Variants in C3orf70 observed in about 807,000 individuals in gnomAD.
The protein encoded by C3orf70 is chromosome 3 open reading frame 70.
In C3orf70, 15 loss-of-function variants were observed where a neutral mutation model predicts 20.7. That is an observed-to-expected ratio of 0.72 (90% CI 0.48 to 1.11). The LOEUF (loss-of-function observed/expected upper bound fraction) is 1.11. Ranked by LOEUF, C3orf70 falls within the 50% of genes most tolerant of loss-of-function variation. C3orf70 has a pLI of 0.00. For synonymous variants in C3orf70, 161 were observed against 125.7 expected, an observed-to-expected ratio of 1.28 and a Z score of -1.88; for missense variants, 332 against 317.6, an observed-to-expected ratio of 1.05 and a Z score of -0.34.
At chr3:185,115,845 A>G (rs1219304248) in intron 1 of C3orf70, among the ~76,000 whole-genome samples, 1 of 152,220 alleles carries the variant, frequency 6.6e-6, no homozygotes, top group Non-Finnish European at 1.5e-5. Flanking sequence ...AAAGAGCGCT[A>G]AAGAGATCCC....
intron 1 of C3orf70, among the ~76,000 whole-genome samples, chr3:185,104,861 T>C (rs1036187910): frequency 6.6e-6 from 1 of 152,118 alleles, no homozygotes; most frequent in Non-Finnish European, 1.5e-5. Flanking sequence ...AAATAACTAA[T>C]AGGTACTAGG....
Position 185,083,175 on chromosome 3 carries a change from A to G in C3orf70, c.585T>C (p.Ile195=), listed in dbSNP as rs2108585487. Residue 195 remains isoleucine (I), a synonymous_variant, in exon 2 of 2, where the codon ATT becomes ATC. Transcript: ENST00000335012. ...SSSEDSGINA[I]GAHYVESCDE... ...CACACGATTCCACATAGTGAGCCCC[A>G]ATCGCATTGATCCCAGAGTCCTCAG... 1 of 1,614,134 alleles carries G rather than the reference A, an allele frequency of 6.2e-7. No homozygotes were observed. The highest frequency in any genetic ancestry group is 8.5e-7 in the Non-Finnish European group (1 of 1,180,028).
chr3:185,145,844 T>C (rs1244562804), intron 1 of C3orf70, among the ~76,000 whole-genome samples: 1 of 152,264 alleles, frequency 6.6e-6, no homozygotes, highest in Non-Finnish European at 1.5e-5. Flanking sequence ...TGCCTGCACA[T>C]AGCCATGATG....
chr3:185,090,036 CTTA>C (rs1431499164), intron 1 of C3orf70, among the ~76,000 whole-genome samples: 4 of 152,174 alleles, frequency 2.6e-5, no homozygotes, highest in Admixed American at 2.0e-4. Context: ...TTCTCAAACT[CTTA>C]TAACAAGATA....
intron 1 of C3orf70, among the ~76,000 whole-genome samples, chr3:185,149,764 C>T (rs13074058): frequency 0.06 from 9,107 of 152,290 alleles, 384 homozygotes; most frequent in South Asian, 0.11. Context: ...TGAATGGGAT[C>T]ACTGAGCTGC....
At chr3:185,121,150 G>A (rs969102461) in intron 1 of C3orf70, among the ~76,000 whole-genome samples, 1 of 152,044 alleles carries the variant, frequency 6.6e-6, no homozygotes, top group Non-Finnish European at 1.5e-5. Flanking sequence ...AACATCATAC[G>A]TTCTCACTCA....
chr3:185,085,378 A>G (rs561667219), intron 1 of C3orf70, among the ~76,000 whole-genome samples: 1 of 152,274 alleles, frequency 6.6e-6, no homozygotes, highest in South Asian at 2.1e-4. Flanking sequence ...AAGCCTGCTT[A>G]TATTTTTTGT....
intron 1 of C3orf70, among the ~76,000 whole-genome samples, chr3:185,104,271 C>G (rs1177911417): frequency 2.6e-5 from 4 of 152,150 alleles, no homozygotes; most frequent in African/African-American, 9.7e-5. Context: ...ACCAGTAACC[C>G]TGACCTGTTT....
At chr3:185,130,520 T>TA (rs1415059842) in intron 1 of C3orf70, among the ~76,000 whole-genome samples, 19 of 152,208 alleles carry the variant, frequency 1.2e-4, no homozygotes, top group Non-Finnish European at 2.4e-4. Flanking sequence ...GTGGGTTTAG[T>TA]ATATTCACAA....
intron 1 of C3orf70, among the ~76,000 whole-genome samples, chr3:185,103,425 T>C (rs1160242404): frequency 1.3e-5 from 2 of 151,624 alleles, no homozygotes; most frequent in African/African-American, 4.8e-5. Flanking sequence ...ACATACAGCA[T>C]GGGAGAAGAT....
chr3:185,110,148 A>C lies in C3orf70; in HGVS notation c.197-26585T>G, dbSNP rs1716040580. ...ATATGGCCCGCTGTAGGAGCTAAAC[A>C]CAAAGATTTGTGGAAACTATTAATA... On this transcript the variant is annotated intron_variant, in intron 1 of 1. Coordinates refer to ENST00000335012, the MANE Select transcript of C3orf70 (RefSeq NM_001025266.3). Among the ~76,000 whole-genome samples the C allele has an allele frequency of 3.3e-5, 5 of 152,250 alleles. No individual in the cohort carries two copies. The South Asian group carries it at 1.0e-3, about 31-fold the overall frequency.
chr3:185,146,153 A>G (rs1401308515), intron 1 of C3orf70, among the ~76,000 whole-genome samples: 2 of 152,148 alleles, frequency 1.3e-5, no homozygotes, highest in Non-Finnish European at 2.9e-5. Flanking sequence ...CTCTGGAAGA[A>G]CCTATCAGCG....
intron 1 of C3orf70, among the ~76,000 whole-genome samples, chr3:185,141,193 G>A (rs554807903): frequency 2.1e-4 from 32 of 152,140 alleles, no homozygotes; most frequent in African/African-American, 7.5e-4. Context: ...CTTTGTTATA[G>A]CAGCCTGAAC....
chr3:185,120,125 C>A (rs1404401078), intron 1 of C3orf70, among the ~76,000 whole-genome samples: 2 of 151,834 alleles, frequency 1.3e-5, no homozygotes, highest in Non-Finnish European at 2.9e-5. Context: ...ATGTATATGA[C>A]TGCTAATGGG....
At chr3:185,102,835 A>C (rs1715847842) in intron 1 of C3orf70, among the ~76,000 whole-genome samples, 1 of 152,246 alleles carries the variant, frequency 6.6e-6, no homozygotes, top group African/African-American at 2.4e-5. Flanking sequence ...AATGATGCTT[A>C]GATAACTGGC....
At chr3:185,128,443 G>A (rs1399981610) in intron 1 of C3orf70, among the ~76,000 whole-genome samples, 5 of 151,208 alleles carry the variant, frequency 3.3e-5, no homozygotes, top group Admixed American at 6.6e-5. Flanking sequence ...CAGGAGAATC[G>A]CCTGAACCCC....
At chr3:185,121,727 G>C (rs1484714656) in intron 1 of C3orf70, among the ~76,000 whole-genome samples, 1 of 152,194 alleles carries the variant, frequency 6.6e-6, no homozygotes, top group Non-Finnish European at 1.5e-5. Flanking sequence ...CATGATGTCA[G>C]ACTGTATAAA....
chr3:185,086,138 A>T (rs1266724327), intron 1 of C3orf70, among the ~76,000 whole-genome samples: 3 of 152,224 alleles, frequency 2.0e-5, no homozygotes, highest in African/African-American at 7.2e-5. Context: ...TTATTTGTCC[A>T]AAGATAGAGG....
At chr3:185,143,993 C>CAT (rs1281784014) in intron 1 of C3orf70, among the ~76,000 whole-genome samples, 3 of 150,890 alleles carry the variant, frequency 2.0e-5, no homozygotes, top group Non-Finnish European at 4.4e-5. Context: ...CACACACACA[C>CAT]ACACACACAC....
Sources: gnomAD v4.1 joint callset for allele counts (sites outside exome capture counted in the v4.1 genomes callset) on GRCh38, gnomAD v4.1.1 for gene constraint, MANE v1.5 for transcripts, NCBI Gene and HGNC (gene_info 2026-07-23, HGNC 2026-07-21) for gene names.